TBC1D5: variants seen among roughly 807,000 people sequenced by gnomAD.
TBC1D5 encodes TBC1 domain family member 5, also known as TBC1 domain family, member 5.
TBC1D5 carries 75 observed loss-of-function variants against 100.3 expected under a neutral mutation model. That is an observed-to-expected ratio of 0.75 (90% CI 0.62 to 0.91). The LOEUF is 0.91. Among genes scored for constraint, TBC1D5 ranks in the 40% least tolerant of loss-of-function variants. The pLI is 0.00. For missense variants in TBC1D5, 910 were observed against 942.4 expected, an observed-to-expected ratio of 0.97 and a Z score of 0.45; for synonymous variants, 323 against 325.6, an observed-to-expected ratio of 0.99 and a Z score of 0.09.
intron 15 of TBC1D5, among the ~76,000 whole-genome samples, chr3:17,265,192 A>C (rs2078726495): frequency 6.6e-6 from 1 of 152,212 alleles, no homozygotes; most frequent in East Asian, 1.9e-4. Flanking sequence ...AGTATGTCCA[A>C]ATTATCATTT....
At chr3:17,284,274 T>C (rs975261544) in intron 15 of TBC1D5, among the ~76,000 whole-genome samples, 2 of 151,958 alleles carry the variant, frequency 1.3e-5, no homozygotes, top group Non-Finnish European at 2.9e-5. Flanking sequence ...CCTGCCACCA[T>C]GTCTGGCTAA....
intron 9 of TBC1D5, among the ~76,000 whole-genome samples, chr3:17,383,619 A>G (rs1316655867): frequency 6.6e-6 from 1 of 152,090 alleles, no homozygotes; most frequent in African/African-American, 2.4e-5. Context: ...CTGAAATTTT[A>G]TTACTAGATT....
At chr3:17,722,613 C>CA (rs886175076) in intron 1 of TBC1D5, among the ~76,000 whole-genome samples, 1 of 152,236 alleles carries the variant, frequency 6.6e-6, no homozygotes, top group African/African-American at 2.4e-5. Flanking sequence ...GGAACCCACT[C>CA]AGAGTCATAC....
chr3:17,605,397 A>G (rs2061275539), intron 2 of TBC1D5, among the ~76,000 whole-genome samples: 2 of 152,236 alleles, frequency 1.3e-5, no homozygotes, highest in Non-Finnish European at 1.5e-5. Flanking sequence ...GAACTCAGTC[A>G]TAAGTAATGT....
rs556578690 is a variant in TBC1D5, at chr3:17,526,723, A to T, written c.-35-18118T>A. Among the ~76,000 whole-genome samples the T allele has an allele frequency of 3.3e-5, 5 of 152,316 alleles. 1 individual carries two copies. In the South Asian group the frequency reaches 1.0e-3, roughly 32 times the overall value. On this transcript the variant is annotated intron_variant, in intron 2 of 21. Transcript: ENST00000253692. ...AAGCATTCAATAAATATTAGCTTTA[A>T]TTGTTATCACCATTACCAGCACACT...
At chr3:17,615,322 C>A (rs1300396018) in intron 2 of TBC1D5, among the ~76,000 whole-genome samples, 1 of 152,164 alleles carries the variant, frequency 6.6e-6, no homozygotes, top group African/African-American at 2.4e-5. Flanking sequence ...CGATGATCAT[C>A]AGGGATATTG....
chr3:17,236,426 C>CT (rs995018899), intron 17 of TBC1D5, among the ~76,000 whole-genome samples: 7 of 151,820 alleles, frequency 4.6e-5, no homozygotes, highest in Admixed American at 2.6e-4. Flanking sequence ...GCTTTGGTCT[C>CT]TTTTTTTAAA....
intron 1 of TBC1D5, among the ~76,000 whole-genome samples, chr3:17,700,598 T>C (rs1000312103): frequency 2.0e-5 from 3 of 151,894 alleles, no homozygotes; most frequent in African/African-American, 7.3e-5. Flanking sequence ...AGAGCTAATA[T>C]CCAGAATCTA....
intron 1 of TBC1D5, among the ~76,000 whole-genome samples, chr3:17,657,254 C>T (rs1278537991): frequency 1.3e-5 from 2 of 151,724 alleles, no homozygotes; most frequent in Non-Finnish European, 2.9e-5. Flanking sequence ...GGGGTAAGTA[C>T]TACCAACTTC....
At chr3:17,496,366 C>A (rs868537326) in intron 3 of TBC1D5, among the ~76,000 whole-genome samples, 1 of 152,194 alleles carries the variant, frequency 6.6e-6, no homozygotes, top group South Asian at 2.1e-4. Context: ...GGAACGAATT[C>A]TACATTACAT....
At chr3:17,619,706 T>C (rs2153645204) in intron 2 of TBC1D5, among the ~76,000 whole-genome samples, 1 of 152,250 alleles carries the variant, frequency 6.6e-6, no homozygotes, top group South Asian at 2.1e-4. Context: ...AGAAAACGCT[T>C]TCTCAATAGA....
chr3:17,512,440 T>C (rs1484838120), intron 2 of TBC1D5, among the ~76,000 whole-genome samples: 1 of 152,074 alleles, frequency 6.6e-6, no homozygotes, highest in Non-Finnish European at 1.5e-5. Flanking sequence ...TCCTTAATTT[T>C]CTCTTATATA....
chr3:17,606,309 G>C (rs2061331198), intron 2 of TBC1D5, among the ~76,000 whole-genome samples: 1 of 152,084 alleles, frequency 6.6e-6, no homozygotes, highest in African/African-American at 2.4e-5. Context: ...CATCCATGGT[G>C]GCATGCGCCT....
chr3:17,234,085 A>G (rs2075663702), intron 17 of TBC1D5, among the ~76,000 whole-genome samples: 1 of 152,078 alleles, frequency 6.6e-6, no homozygotes, highest in South Asian at 2.1e-4. Flanking sequence ...CCTTTCATCC[A>G]AAAGTAAGTT....
At chr3:17,691,705 T>C (rs1342565960) in intron 1 of TBC1D5, among the ~76,000 whole-genome samples, 2 of 151,710 alleles carry the variant, frequency 1.3e-5, no homozygotes, top group East Asian at 3.9e-4. Flanking sequence ...TAGTCCCAGC[T>C]ATTCAGGAGC....
At chr3:17,336,620 G>C (rs74380944) in intron 13 of TBC1D5, among the ~76,000 whole-genome samples, 1 of 151,792 alleles carries the variant, frequency 6.6e-6, no homozygotes, top group East Asian at 1.9e-4. Context: ...GAAAGTAAAT[G>C]TTTGACATAA....
intron 14 of TBC1D5, among the ~76,000 whole-genome samples, chr3:17,299,858 CAAAAAAAAAAAA>C (rs10590475): frequency 1.2e-4 from 6 of 48,616 alleles, no homozygotes; most frequent in African/African-American, 3.8e-4. Context: ...GACTCCGTCT[CAAAAAAAAAAAA>C]AAAAAAAAAA....
intron 2 of TBC1D5, among the ~76,000 whole-genome samples, chr3:17,517,081 A>G (rs753028324): frequency 7.9e-5 from 12 of 152,288 alleles, no homozygotes; most frequent in Admixed American, 3.3e-4. Context: ...CTACCCTCAA[A>G]ATAAAATCCA....
At chr3:17,390,274 C>G (rs1463306793) in intron 8 of TBC1D5, among the ~76,000 whole-genome samples, 5 of 152,076 alleles carry the variant, frequency 3.3e-5, no homozygotes, top group Non-Finnish European at 5.9e-5. Context: ...GTTGGAAAGA[C>G]ATTCAACAGG....
Sources: allele counts gnomAD v4.1 joint callset (sites outside exome capture counted in the v4.1 genomes callset), GRCh38; gene constraint gnomAD v4.1.1; transcripts MANE v1.5; gene names NCBI Gene and HGNC (gene_info 2026-07-23, HGNC 2026-07-21).